The following TRAF3IP1 variants were observed in gnomAD, a reference collection of about 807,000 sequenced individuals.
TRAF3IP1 encodes the protein TRAF3-interacting protein 1.
A neutral mutation model predicts 89.9 loss-of-function variants in TRAF3IP1; 53 were observed. The ratio of observed to expected loss-of-function variants is 0.59; its 90% CI spans 0.47 to 0.74. The LOEUF (loss-of-function observed/expected upper bound fraction) is 0.74, where lower values mean the gene tolerates loss of function less well. Among genes scored for constraint, TRAF3IP1 ranks in the 30% least tolerant of loss-of-function variants. TRAF3IP1 has a pLI of 0.00. For synonymous variants in TRAF3IP1, 311 were observed against 322.1 expected (o/e 0.97, Z 0.37); for missense variants, 806 against 866.1 (o/e 0.93, Z 0.87).
intron 14 of TRAF3IP1, 134 bp downstream of exon 14, chr2:238,353,343 C>A: frequency 1.1e-6 from 1 of 912,196 alleles, no homozygotes; most frequent in Non-Finnish European, 1.7e-6. Flanking sequence ...CTGGCGGGAT[C>A]ACACTGGTGG....
Position 238,329,303 on chromosome 2 carries a change from C to A in TRAF3IP1, c.876C>A (p.Asp292Glu). 1 of 1,446,068 alleles carries A rather than the reference C, an allele frequency of 6.9e-7. No homozygotes were observed. Among genetic ancestry groups the A allele is most frequent in the Non-Finnish European group, 9.1e-7 (1 of 1,096,418 alleles). The allele number at this position is 1,446,068 out of a possible 1,614,324, so 89.6% of individuals were successfully genotyped here. The change falls in exon 5 of 17, where the codon GAC becomes GAA. Residue 292 changes from aspartate (D) to glutamate (E), a missense_variant. Around this residue, in one of 3 missense-constraint regions of TRAF3IP1, gnomAD observed 732 missense variants for 780.5 expected, o/e 0.94. Coordinates refer to ENST00000373327, the MANE Select transcript of TRAF3IP1 (RefSeq NM_015650.4). Reference protein sequence around the residue: ...VKNGEHSWDLDREKNREHDKP... With the variant: ...VKNGEHSWDLEREKNREHDKP... Reference sequence around the variant, plus strand: ...ACGGGGAGCACTCCTGGGACCTGGACAGGGAGAAGAACAGAGAGCATGACA... The same window carrying A: ...ACGGGGAGCACTCCTGGGACCTGGAAAGGGAGAAGAACAGAGAGCATGACA...
chr2:238,354,281 C>G (rs1364055029), intron 14 of TRAF3IP1, among the ~76,000 whole-genome samples: 1 of 152,202 alleles, frequency 6.6e-6, no homozygotes, highest in Non-Finnish European at 1.5e-5. Flanking sequence ...ACTTCCTGCC[C>G]CATAACTGCC....
In TRAF3IP1 at chr2:238,329,354, C is replaced by T. The variant is rs760155685; in HGVS notation, c.915+12C>T. 19 of 1,349,218 alleles carry T rather than the reference C, an allele frequency of 1.4e-5. No individual in the cohort carries two copies. The highest frequency in any genetic ancestry group is 1.8e-5 in the Non-Finnish European group (19 of 1,042,468). The allele number at this position is 1,349,218 out of a possible 1,614,324, so 83.6% of individuals were successfully genotyped here. On this transcript the variant is annotated intron_variant, in intron 5 of 16. Transcript: ENST00000373327. ...AACCTGAGAAAAAGGTAAAGTCTTG[C>T]TGAGAACCTCGCCTTTTGCTTAGCA...
chr2:238,325,100 A>G (rs1697755184), intron 1 of TRAF3IP1, among the ~76,000 whole-genome samples: 1 of 152,158 alleles, frequency 6.6e-6, no homozygotes, highest in Non-Finnish European at 1.5e-5. Flanking sequence ...CTGTCTGTCC[A>G]CACAGCCAGA....
chr2:238,365,294 G>A (rs1035125446), intron 15 of TRAF3IP1, among the ~76,000 whole-genome samples: 2 of 152,060 alleles, frequency 1.3e-5, no homozygotes, highest in Non-Finnish European at 2.9e-5. Context: ...TTTTTAGTTT[G>A]GGTATTTTTG....
intron 15 of TRAF3IP1, among the ~76,000 whole-genome samples, chr2:238,385,050 C>G (rs532173915): frequency 1.3e-5 from 2 of 152,072 alleles, no homozygotes; most frequent in South Asian, 2.1e-4. Context: ...GACTCTCGCT[C>G]TGTCCCCCAG....
In TRAF3IP1 at chr2:238,351,877, G is replaced by A. The variant is rs1301566014; in HGVS notation, c.1452-950G>A. On this transcript the variant is annotated intron_variant, in intron 12 of 16. Transcript: ENST00000373327. The surrounding 1 kb of genome is among the most constrained non-coding windows in gnomAD (Gnocchi z 5.2). ...TGTGTGTGTGTGTGTGCGCGCGCGC[G>A]CGTGTGCGTGCATGTGCTTGTGTGT... Among the ~76,000 whole-genome samples, 4 of 151,058 alleles carry A rather than the reference G, an allele frequency of 2.6e-5. No individual in the cohort carries two copies. Among genetic ancestry groups the A allele is most frequent in the African/African-American group, 9.7e-5 (4 of 41,038 alleles).
In TRAF3IP1 at chr2:238,352,889, A is replaced by G. The variant is rs1157190749; in HGVS notation, c.1514A>G (p.Glu505Gly). The G allele has an allele frequency of 6.2e-7, 1 of 1,613,970 alleles. No homozygotes were observed. The highest frequency in any genetic ancestry group is 1.7e-5 in the Admixed American group (1 of 60,006). The part of the protein sequence containing the change: ...ITESHNSDNE[E>G]DDQFVVEAAP... ...GAGTCACACAATTCTGACAATGAAGAGGATGATCAATTTGTGGTGGAAGCT... is the reference window on the plus strand; with the variant it reads ...GAGTCACACAATTCTGACAATGAAGGGGATGATCAATTTGTGGTGGAAGCT... Residue 505 changes from glutamate (E) to glycine (G), a missense_variant, in exon 13 of 17, where the codon GAG (glutamate) becomes GGG (glycine). This residue lies in a region of TRAF3IP1 where 732 missense variants were observed against 780.5 expected (regional missense o/e 0.94). Coordinates refer to ENST00000373327, the MANE Select transcript of TRAF3IP1 (RefSeq NM_015650.4).
chr2:238,346,502 T>TGCCCCCTCTTAGG (rs1368758867), intron 9 of TRAF3IP1, among the ~76,000 whole-genome samples: 7 of 152,162 alleles, frequency 4.6e-5, no homozygotes, highest in African/African-American at 1.7e-4. Flanking sequence ...CCTCTCTCCC[T>TGCCCCCTCTTAGG]GCCAGAGCCA....
chr2:238,381,653 C>G (rs1700556331), intron 15 of TRAF3IP1, among the ~76,000 whole-genome samples: 1 of 152,214 alleles, frequency 6.6e-6, no homozygotes, highest in African/African-American at 2.4e-5. Context: ...CTGCCCTGCA[C>G]TTGTCCCTGA....
rs1699021091 is a variant in TRAF3IP1, at chr2:238,348,918, C to T, written c.1367+70C>T. On this transcript the variant is annotated intron_variant, in intron 11 of 16. Coordinates refer to ENST00000373327, the MANE Select transcript of TRAF3IP1 (RefSeq NM_015650.4). ...CTAGGACACTGCTGTGCTTCTCTTT[C>T]TGGCTGCTGCTATTTATTTAGTGCT... 1.3e-5 allele frequency: 17 copies of T among 1,308,264 alleles called. No homozygotes were observed. In the South Asian group the frequency reaches 2.1e-4, roughly 16 times the overall value. The allele number at this position is 1,308,264 out of a possible 1,614,324, so 81.0% of individuals were successfully genotyped here. A position where few individuals can be genotyped will look rare whatever the true frequency, so the allele number is the denominator to read the frequency against.
chr2:238,353,837 T>A (rs549650139), intron 14 of TRAF3IP1, among the ~76,000 whole-genome samples: 1 of 152,240 alleles, frequency 6.6e-6, no homozygotes, highest in East Asian at 1.9e-4. Flanking sequence ...TCAGTGGTGC[T>A]ATCTCAACTT....
intron 8 of TRAF3IP1, among the ~76,000 whole-genome samples, chr2:238,343,092 A>ATT (rs201616700): frequency 0.086 from 12,234 of 142,616 alleles, 715 homozygotes; most frequent in Middle Eastern, 0.18. Flanking sequence ...TGGGCCCCCT[A>ATT]TTTTTTTTTT....
At chr2:238,381,452 G>T (rs1700547579) in intron 15 of TRAF3IP1, among the ~76,000 whole-genome samples, 1 of 152,226 alleles carries the variant, frequency 6.6e-6, no homozygotes. Flanking sequence ...GTGGCTCAGT[G>T]GCATTTGGAA....
chr2:238,400,017 T>C lies in TRAF3IP1; in HGVS notation c.*1098T>C, dbSNP rs528513282. On this transcript the variant is annotated 3_prime_UTR_variant, in exon 17 of 17. Transcript: ENST00000373327. The stretch of plus-strand genomic sequence containing the variant: ...GGTCTTGAGGTCTGGGTCCTAATAC[T>C]TTTAAATAGTGTATTTATTATGTAA... 5.9e-4 allele frequency: 90 copies of C among 152,278 alleles called. 1 individual carries two copies. The highest frequency in any genetic ancestry group is 1.8e-3 in the Admixed American group (27 of 15,294). 9.4% of individuals were successfully genotyped at this position (152,278 alleles called of 1,614,324 possible).
chr2:238,347,734 TCTC>T (rs1258449048), intron 10 of TRAF3IP1, among the ~76,000 whole-genome samples: 1 of 152,054 alleles, frequency 6.6e-6, no homozygotes, highest in African/African-American at 2.4e-5. Flanking sequence ...TTCAAGCAAT[TCTC>T]CTGCCTCAGC....
intron 9 of TRAF3IP1, 42 bp downstream of exon 9, chr2:238,344,640 G>A (rs770616830): frequency 2.6e-6 from 4 of 1,561,092 alleles, no homozygotes; most frequent in Admixed American, 1.7e-5. Context: ...CGAGAGCAGA[G>A]TGAGCCCTCC....
chr2:238,398,386 G>T (rs1701335266), intron 16 of TRAF3IP1, among the ~76,000 whole-genome samples: 1 of 147,934 alleles, frequency 6.8e-6, no homozygotes. Context: ...AGAGGTAGGG[G>T]TGTAGCGGAG....
At chr2:238,350,910 T>C (rs1303236903) in intron 12 of TRAF3IP1, among the ~76,000 whole-genome samples, 1 of 150,808 alleles carries the variant, frequency 6.6e-6, no homozygotes, top group Non-Finnish European at 1.5e-5. Flanking sequence ...AGTAGGAGTA[T>C]GTGGAAGCGC....
Sources: allele counts gnomAD v4.1 joint callset (sites outside exome capture counted in the v4.1 genomes callset), GRCh38; gene constraint gnomAD v4.1.1; regional missense constraint gnomAD v4.1.1; non-coding constraint Gnocchi (gnomAD v3.1); transcripts MANE v1.5; gene names NCBI Gene and HGNC (gene_info 2026-07-23, HGNC 2026-07-21).